The following CD300LB variants were observed in gnomAD, a reference collection of about 807,000 sequenced individuals.
CD300LB encodes the protein CD300 molecule like family member b.
In CD300LB, 18 loss-of-function variants were observed where a neutral mutation model predicts 20.8. The ratio of observed to expected loss-of-function variants is 0.87; its 90% confidence interval spans 0.60 to 1.28. The LOEUF is 1.28. CD300LB is among the 50% of genes most tolerant of loss of function. The pLI, the probability that CD300LB is intolerant of heterozygous loss-of-function variation, is 0.00. For synonymous variants in CD300LB, 91 were observed against 91.3 expected (o/e 1.00, Z 0.02); for missense variants, 222 against 251.8 (o/e 0.88, Z 0.80).
At chr17:74,523,042 C>T in intron 3 of CD300LB, 142 bp from the exon 4 acceptor site, 1 of 756,920 alleles carries the variant, frequency 1.3e-6, no homozygotes, top group South Asian at 1.9e-5. Context: ...AAACCTCCTC[C>T]TTGGTTCAAC....
chr17:74,529,174 T>C (rs1031549420), intron 1 of CD300LB, among the ~76,000 whole-genome samples: 1 of 152,162 alleles, frequency 6.6e-6, no homozygotes, highest in Non-Finnish European at 1.5e-5. Context: ...GACTTGGATG[T>C]ATGTCCAACG....
chr17:74,523,826 C>T (rs1907955699), intron 2 of CD300LB, among the ~76,000 whole-genome samples, 175 bp from the exon 3 acceptor site: 1 of 152,164 alleles, frequency 6.6e-6, no homozygotes, highest in Non-Finnish European at 1.5e-5. Flanking sequence ...TCAATCTCAA[C>T]ACACAGACAT....
rs115151178 is a variant in CD300LB, at chr17:74,529,952, G to A, written c.40+1359C>T. Among the ~76,000 whole-genome samples, 242 of 152,276 alleles carry A rather than the reference G, an allele frequency of 1.6e-3. 1 individual carries two copies. The highest frequency in any genetic ancestry group is 5.5e-3 in the African/African-American group (227 of 41,556). ...AATGGCTCACGATGTAATTAGTCCCGTTTAAAAAAATATTTGGGGGTTTCT... is the reference window on the plus strand; with the variant it reads ...AATGGCTCACGATGTAATTAGTCCCATTTAAAAAAATATTTGGGGGTTTCT... On this transcript the variant is annotated intron_variant, in intron 1 of 3. Transcript: ENST00000392621.
At position 74,523,705 on chromosome 17, in the gene CD300LB, A is replaced by G. The variant is rs1050143068; in HGVS notation, c.371-54T>C. The G allele has an allele frequency of 1.8e-5, 23 of 1,259,160 alleles. 1 individual carries two copies. In the African/African-American group the frequency reaches 2.3e-4, roughly 13 times the overall value. 78.0% of individuals were successfully genotyped at this position (1,259,160 alleles called of 1,614,324 possible). On this transcript the variant is annotated intron_variant, in intron 2 of 3. Transcript: ENST00000392621. The stretch of plus-strand genomic sequence containing the variant: ...TATTAGCACAGTTGGGAGCTCATGC[A>G]TGGGTCACAAAGCCACGCGACCCTG...
intron 2 of CD300LB, among the ~76,000 whole-genome samples, chr17:74,524,272 C>T (rs899527623): frequency 1.6e-4 from 25 of 152,272 alleles, no homozygotes; most frequent in Admixed American, 4.6e-4. Context: ...TTTCAGTCCT[C>T]GGCCCCAGCA....
intron 1 of CD300LB, among the ~76,000 whole-genome samples, chr17:74,529,520 G>A (rs751916247): frequency 3.3e-5 from 5 of 152,160 alleles, no homozygotes; most frequent in South Asian, 2.1e-4. Context: ...GGCCGGGCAC[G>A]GTGGCTCATG....
At chr17:74,531,201 A>G in intron 1 of CD300LB, 110 bp downstream of exon 1, 1 of 1,305,842 alleles carries the variant, frequency 7.7e-7, no homozygotes, top group Non-Finnish European at 1.0e-6. Flanking sequence ...CCTTTGTCGA[A>G]TGACTTCACA....
chr17:74,524,317 G>A (rs999034955), intron 2 of CD300LB, among the ~76,000 whole-genome samples: 46 of 152,140 alleles, frequency 3.0e-4, no homozygotes, highest in Admixed American at 2.6e-3. Flanking sequence ...GTCCAGGCAC[G>A]GTGGTTCACG....
At chr17:74,523,847 C>G (rs1157599409) in intron 2 of CD300LB, among the ~76,000 whole-genome samples, 196 bp from the exon 3 acceptor site, 1 of 152,176 alleles carries the variant, frequency 6.6e-6, no homozygotes, top group Non-Finnish European at 1.5e-5. Flanking sequence ...TTTTCCTCAT[C>G]ATGTTCAGAT....
intron 1 of CD300LB, among the ~76,000 whole-genome samples, chr17:74,528,748 C>G (rs1054163586): frequency 1.4e-4 from 21 of 152,136 alleles, no homozygotes; most frequent in Admixed American, 1.3e-4. Flanking sequence ...GTTGGGAAAC[C>G]CTGGCAGAGT....
At chr17:74,530,899 G>A (rs189568789) in intron 1 of CD300LB, among the ~76,000 whole-genome samples, 43 of 152,100 alleles carry the variant, frequency 2.8e-4, no homozygotes, top group African/African-American at 9.4e-4. Flanking sequence ...GAATACCTGA[G>A]CTCAAAGGAT....
chr17:74,523,280 G>T lies in CD300LB; in HGVS notation c.443+299C>A, dbSNP rs116151002. On this transcript the variant is annotated intron_variant, in intron 3 of 3. Transcript: ENST00000392621. Reference sequence around the variant, plus strand: ...GTGTCCCTTGATGTCTTGCACCACAGAGGGTGGTATCTTATCTCCCCCTGG... The same window carrying T: ...GTGTCCCTTGATGTCTTGCACCACATAGGGTGGTATCTTATCTCCCCCTGG... The T allele has an allele frequency of 1.7e-3, 894 of 531,356 alleles. 8 individuals carry two copies. The highest frequency in any genetic ancestry group is 0.016 in the African/African-American group (822 of 52,904). 32.9% of individuals were successfully genotyped at this position (531,356 alleles called of 1,614,324 possible).
chr17:74,530,274 T>C (rs1439323741), intron 1 of CD300LB, among the ~76,000 whole-genome samples: 1 of 152,168 alleles, frequency 6.6e-6, no homozygotes. Context: ...CTGCGTAAAA[T>C]TCTAGATTGT....
In CD300LB at chr17:74,525,965, T is replaced by G; in HGVS notation, c.153A>C (p.Arg51=). 6.2e-7 allele frequency: 1 copy of G among 1,614,096 alleles called. No homozygotes were observed. The highest frequency in any genetic ancestry group is 1.1e-5 in the South Asian group (1 of 91,082). The change falls in exon 2 of 4, where the codon CGA becomes CGC. Residue 51 remains arginine (R), a synonymous_variant. Coordinates refer to ENST00000392621, the MANE Select transcript of CD300LB (RefSeq NM_174892.4). The part of the protein sequence containing the change: ...GWETYIKWWC[R]GVRWDTCKIL... Reference sequence around the variant, plus strand: ...TCTTGCATGTATCCCAGCGCACCCCTCGGCACCACCACTTAATGTAGGTCT... The same window carrying G: ...TCTTGCATGTATCCCAGCGCACCCCGCGGCACCACCACTTAATGTAGGTCT...
chr17:74,529,479 A>T lies in CD300LB; in HGVS notation c.40+1832T>A, dbSNP rs371166273. 3.9e-5 allele frequency among the ~76,000 whole-genome samples: 6 copies of T among 152,144 alleles called. No individual in the cohort carries two copies. The East Asian group carries it at 7.8e-4, about 20-fold the overall frequency. On this transcript the variant is annotated intron_variant, in intron 1 of 3. Transcript: ENST00000392621. ...CTGTCTCCTCCTCCTCATCAGCTGCACTTGCCCTGAGCATCTAAAAGTCTT... is the reference window on the plus strand; with the variant it reads ...CTGTCTCCTCCTCCTCATCAGCTGCTCTTGCCCTGAGCATCTAAAAGTCTT...
chr17:74,528,690 A>T (rs1908107724), intron 1 of CD300LB, among the ~76,000 whole-genome samples: 1 of 151,992 alleles, frequency 6.6e-6, no homozygotes, highest in Non-Finnish European at 1.5e-5. Context: ...ACAGCATGAC[A>T]TCAGAGAGAG....
Position 74,526,061 on chromosome 17 carries a change from T to G in CD300LB, c.57A>C (p.Gln19His), listed in dbSNP as rs1290423845. The G allele has an allele frequency of 1.2e-6, 2 of 1,613,116 alleles. No individual in the cohort carries two copies. Among genetic ancestry groups the G allele is most frequent in the East Asian group, 4.5e-5 (2 of 44,836 alleles). Residue 19 changes from glutamine to histidine, a missense_variant, in exon 2 of 4, where the codon CAA becomes CAC. Physicochemically the swap from Gln to His is conservative, Grantham distance 24. Coordinates refer to ENST00000392621, the MANE Select transcript of CD300LB (RefSeq NM_174892.4). ...LLSLSGCFSI[Q>H]GPESVRAPEQ... Reference sequence around the variant, plus strand: ...CTGGGGCTCTCACAGACTCTGGGCCTTGGATGGAGAAACAGCCTGGAAAAC... The same window carrying G: ...CTGGGGCTCTCACAGACTCTGGGCCGTGGATGGAGAAACAGCCTGGAAAAC...
Position 74,525,858 on chromosome 17 carries a change from A to T in CD300LB, c.260T>A (p.Phe87Tyr), listed in dbSNP as rs1486694948. 6.2e-7 allele frequency: 1 copy of T among 1,613,956 alleles called. No homozygotes were observed. Among genetic ancestry groups the T allele is most frequent in the Non-Finnish European group, 8.5e-7 (1 of 1,180,044 alleles). ...CCTGAGCCCCTCCATGGTCACAGTG[A>T]ACGTGCGGTCTTTCTGATTGTCCTT... ...SIKDNQKDRTFTVTMEGLRRD... is the reference protein window; with the variant it reads ...SIKDNQKDRTYTVTMEGLRRD... The change falls in exon 2 of 4, where the codon TTC (phenylalanine) becomes TAC (tyrosine). Residue 87 changes from phenylalanine to tyrosine, a missense_variant. Transcript: ENST00000392621.
At chr17:74,526,120 G>A (rs563203231) in intron 1 of CD300LB, 43 bp from the exon 2 acceptor site, 18 of 1,588,510 alleles carry the variant, frequency 1.1e-5, no homozygotes, top group South Asian at 4.6e-5. Flanking sequence ...GCACCGGCAC[G>A]AACCCCTGCT....
Sources: allele counts gnomAD v4.1 joint callset (sites outside exome capture counted in the v4.1 genomes callset), GRCh38; gene constraint gnomAD v4.1.1; transcripts MANE v1.5; gene names NCBI Gene and HGNC (gene_info 2026-07-23, HGNC 2026-07-21).